Variants in DNASE2 observed in about 807,000 individuals in gnomAD.
DNASE2 encodes deoxyribonuclease 2, lysosomal, also known as deoxyribonuclease-2-alpha.
Under a neutral mutation model 29.8 loss-of-function variants are expected in DNASE2, and 26 were observed. The observed-to-expected ratio is 0.87, with a 90% CI of 0.64 to 1.21. The LOEUF is 1.21. Ranked by LOEUF, DNASE2 falls within the 50% of genes most tolerant of loss-of-function variation. The probability of loss-of-function intolerance (pLI) is 0.00; values close to 1 mark genes in which losing one functional copy is unlikely to be tolerated. For missense variants in DNASE2, 415 were observed against 455.6 expected (o/e 0.91, Z 0.81); for synonymous variants, 186 against 193.5 (o/e 0.96, Z 0.32).
chr19:12,881,311 T>A lies in DNASE2; in HGVS notation c.65A>T (p.Asp22Val), dbSNP rs907327839. The A allele has an allele frequency of 1.3e-6, 2 of 1,571,108 alleles. No homozygotes were observed. The highest frequency in any genetic ancestry group is 1.7e-6 in the Non-Finnish European group (2 of 1,159,344). The change falls in exon 1 of 6, where the codon GAC becomes GTC. Residue 22 changes from aspartate (D) to valine (V), a missense_variant. Transcript: ENST00000222219. ...VPAGALTCYG[D>V]SGQPVDWFVV... is the part of the protein sequence containing the mutation. ...TCACCAGTCTACAGGCTGCCCGGAG[T>A]CCCCGTAGCAGGTCAGGGCCCCGGC... is the stretch of plus-strand genomic sequence containing the variant.
rs748754954 is a variant in DNASE2 at position 12,876,269 on chromosome 19, C to G, written c.804G>C (p.Ser268=). The G allele has an allele frequency of 2.5e-6, 4 of 1,614,116 alleles. No individual in the cohort carries two copies. Among genetic ancestry groups the G allele is most frequent in the Non-Finnish European group, 3.4e-6 (4 of 1,180,034 alleles). The part of the protein sequence containing the change: ...KTVGILPSNC[S]DIWQVLNVNQ... ...TCACATTCAGAACCTGCCAGATATC[C>G]GAGCAGTTAGAGGGCAGGATGCCTA... The change falls in exon 6 of 6, where the codon TCG becomes TCC. Residue 268 remains serine, a synonymous_variant. Coordinates refer to ENST00000222219, the MANE Select transcript of DNASE2 (RefSeq NM_001375.3).
chr19:12,881,253 C>T (rs547856013), intron 1 of DNASE2, 37 bp downstream of exon 1: 136 of 1,594,824 alleles, frequency 8.5e-5, no homozygotes, highest in Non-Finnish European at 1.1e-4. Flanking sequence ...CGCAGCCGGA[C>T]CCCGGGGCGA....
At chr19:12,877,191 TG>T (rs1970331109) in intron 5 of DNASE2, among the ~76,000 whole-genome samples, 1 of 151,900 alleles carries the variant, frequency 6.6e-6, no homozygotes, top group Non-Finnish European at 1.5e-5. Context: ...TCCCAAAATG[TG>T]GGGATTACAG....
intron 3 of DNASE2, 103 bp from the exon 4 acceptor site, chr19:12,878,937 G>T: frequency 1.4e-6 from 2 of 1,418,374 alleles, no homozygotes; most frequent in South Asian, 1.2e-5. Flanking sequence ...GAGGTCAGGA[G>T]TTAGAAATCA....
At chr19:12,880,736 C>A in intron 3 of DNASE2, 66 bp downstream of exon 3, 1 of 1,598,534 alleles carries the variant, frequency 6.3e-7, no homozygotes, top group Middle Eastern at 1.7e-4. Context: ...CCACCCCATG[C>A]ACGTCAGGGG....
rs1001303266 is a variant in DNASE2 at position 12,881,322 on chromosome 19, G to T, written c.54C>A (p.Thr18=). Residue 18 remains threonine (T), a synonymous_variant, in exon 1 of 6, where the codon ACC becomes ACA. Coordinates refer to ENST00000222219, the MANE Select transcript of DNASE2 (RefSeq NM_001375.3). ...ALLCVPAGAL[T]CYGDSGQPVD... is the part of the protein sequence containing the mutation. ...CAGGCTGCCCGGAGTCCCCGTAGCA[G>T]GTCAGGGCCCCGGCGGGGACGCACA... 6.4e-7 allele frequency: 1 copy of T among 1,571,796 alleles called. No homozygotes were observed. Among genetic ancestry groups the T allele is most frequent in the Non-Finnish European group, 8.6e-7 (1 of 1,159,438 alleles).
At chr19:12,879,343 G>A (rs1386723239) in intron 3 of DNASE2, among the ~76,000 whole-genome samples, 1 of 151,472 alleles carries the variant, frequency 6.6e-6, no homozygotes, top group African/African-American at 2.4e-5. Context: ...CATTAGCCGG[G>A]CATGGTGGTG....
chr19:12,878,017 G>A (rs1970339036), intron 5 of DNASE2: 9 of 347,136 alleles, frequency 2.6e-5, no homozygotes, highest in South Asian at 2.1e-4. Flanking sequence ...GTCTTGCTAT[G>A]TTTCCCAGGC....
chr19:12,876,459 C>CTTTTTT, intron 5 of DNASE2, 96 bp from the exon 6 acceptor site: 2 of 1,267,044 alleles, frequency 1.6e-6, no homozygotes, highest in Non-Finnish European at 2.1e-6. Flanking sequence ...TCCATATTTC[C>CTTTTTT]TTTTTTTTTT....
At chr19:12,878,350 G>A (rs1168502150) in intron 5 of DNASE2, 32 bp downstream of exon 5, 1 of 1,611,868 alleles carries the variant, frequency 6.2e-7, no homozygotes, top group Non-Finnish European at 8.5e-7. Context: ...CTGCAGAGAA[G>A]GAGCTCTCCA....
At chr19:12,878,278 C>G (rs1159165617) in intron 5 of DNASE2, 104 bp downstream of exon 5, 6 of 1,443,590 alleles carry the variant, frequency 4.2e-6, no homozygotes, top group Admixed American at 1.7e-5. Context: ...ATTATAGCTC[C>G]CAAACAGACC....
At chr19:12,879,141 C>T (rs1970351107) in intron 3 of DNASE2, among the ~76,000 whole-genome samples, 1 of 142,274 alleles carries the variant, frequency 7.0e-6, no homozygotes, top group Non-Finnish European at 1.5e-5. Flanking sequence ...AATTTCATCT[C>T]AAACATAAGT....
At position 12,876,345 on chromosome 19, in the gene DNASE2, A is replaced by C; in HGVS notation, c.728T>G (p.Leu243Trp). The part of the protein sequence containing the change: ...KFGDDLYSGW[L>W]AAALGTNLQV... ...CAGGTTGGTACCAAGGGCTGCTGCCAACCAGCCGGAGTACAGGTCTGCAAA... is the reference window on the plus strand; with the variant it reads ...CAGGTTGGTACCAAGGGCTGCTGCCCACCAGCCGGAGTACAGGTCTGCAAA... Residue 243 changes from leucine to tryptophan, a missense_variant, in exon 6 of 6, where the codon TTG becomes TGG. Physicochemically the swap from Leu to Trp is moderately conservative, Grantham distance 61. Transcript: ENST00000222219. 1.9e-6 allele frequency: 3 copies of C among 1,613,336 alleles called. No homozygotes were observed. The highest frequency in any genetic ancestry group is 2.2e-5 in the South Asian group (2 of 91,080).
Position 12,877,396 on chromosome 19 carries a change from T to C in DNASE2, c.709+986A>G, listed in dbSNP as rs1482097609. Among the ~76,000 whole-genome samples the C allele has an allele frequency of 2.0e-5, 3 of 151,836 alleles. No homozygotes were observed. The East Asian group carries it at 5.8e-4, about 29-fold the overall frequency. On this transcript the variant is annotated intron_variant, in intron 5 of 5. Transcript: ENST00000222219. ...TGGGGACTACACGTGTGTGCCACTATGCCCCACTAATTAAAATTTTTTTTG... is the reference window on the plus strand; with the variant it reads ...TGGGGACTACACGTGTGTGCCACTACGCCCCACTAATTAAAATTTTTTTTG...
In DNASE2 at chr19:12,881,115, C is replaced by G; in HGVS notation, c.124G>C (p.Gly42Arg). The change falls in exon 2 of 6, where the codon GGG becomes CGG. Residue 42 changes from glycine to arginine, a missense_variant. Transcript: ENST00000222219. ...TGCAGCCCTCTCTGCGCCGCCTCCCCGGACCCTCTAAGAGCTGGCAGCTTG... is the reference window on the plus strand; with the variant it reads ...TGCAGCCCTCTCTGCGCCGCCTCCCGGGACCCTCTAAGAGCTGGCAGCTTG... ...VYKLPALRGS[G>R]EAAQRGLQYK... is the part of the protein sequence containing the mutation. 6.2e-7 allele frequency: 1 copy of G among 1,611,838 alleles called. No individual in the cohort carries two copies. Among genetic ancestry groups the G allele is most frequent in the Non-Finnish European group, 8.5e-7 (1 of 1,180,006 alleles).
At chr19:12,878,325 C>T (rs1970341496) in intron 5 of DNASE2, 57 bp downstream of exon 5, 1 of 1,606,782 alleles carries the variant, frequency 6.2e-7, no homozygotes, top group African/African-American at 1.3e-5. Context: ...GCCATGGCCA[C>T]ACCAGTCACC....
intron 3 of DNASE2, among the ~76,000 whole-genome samples, chr19:12,879,897 A>G (rs545735088): frequency 6.6e-5 from 10 of 152,104 alleles, no homozygotes; most frequent in Middle Eastern, 3.4e-3. Context: ...TGAGGTCAGG[A>G]GTTCAATATC....
intron 3 of DNASE2, 35 bp downstream of exon 3, chr19:12,880,767 C>T (rs1202025197): frequency 6.2e-7 from 1 of 1,613,892 alleles, no homozygotes; most frequent in South Asian, 1.1e-5. Flanking sequence ...AAAATGGGAC[C>T]CGAGTCTCTC....
At chr19:12,879,214 G>A (rs1205906578) in intron 3 of DNASE2, among the ~76,000 whole-genome samples, 1 of 151,140 alleles carries the variant, frequency 6.6e-6, no homozygotes, top group Non-Finnish European at 1.5e-5. Context: ...AAAGAAGGCA[G>A]GCCCCACGCA....
Sources: allele counts gnomAD v4.1 joint callset (sites outside exome capture counted in the v4.1 genomes callset), GRCh38; gene constraint gnomAD v4.1.1; transcripts MANE v1.5; gene names NCBI Gene and HGNC (gene_info 2026-07-23, HGNC 2026-07-21).